Variants in ARMCX4 observed in about 807,000 individuals in gnomAD.
ARMCX4 encodes the protein armadillo repeat-containing X-linked protein 4.
ARMCX4 carries 3 observed loss-of-function variants against 34.7 expected under a neutral mutation model. The observed-to-expected ratio is 0.09, with a 90% CI of 0.04 to 0.22. The LOEUF (loss-of-function observed/expected upper bound fraction) is 0.22. Among genes scored for constraint, ARMCX4 ranks in the 10% least tolerant of loss-of-function variants. ARMCX4 has a pLI of 1.00. For missense variants in ARMCX4, 1,448 were observed against 1,720.8 expected (o/e 0.84, Z 2.81); for synonymous variants, 513 against 632.8 (o/e 0.81, Z 2.84).
chrX:101,432,933 T>G (rs782632151), intron 2 of ARMCX4, among the ~76,000 whole-genome samples: 6 of 89,237 alleles, frequency 6.7e-5, no homozygotes, highest in Admixed American at 5.0e-4. Flanking sequence ...CGTATATATA[T>G]ACGTGTATAT....
At chrX:101,476,470 C>A (rs1433063336) in intron 4 of ARMCX4, among the ~76,000 whole-genome samples, 1 of 110,866 alleles carries the variant, frequency 9.0e-6, no homozygotes, top group Non-Finnish European at 1.9e-5. Context: ...GCCATAGAAG[C>A]TGCAGGGATA....
At chrX:101,438,627 G>C (rs1275908152) in intron 2 of ARMCX4, among the ~76,000 whole-genome samples, 1 of 111,229 alleles carries the variant, frequency 9.0e-6, no homozygotes, top group Non-Finnish European at 1.9e-5. Flanking sequence ...AGGTCTCTGA[G>C]GACTTGCTTT....
intron 4 of ARMCX4, among the ~76,000 whole-genome samples, chrX:101,472,762 G>T: frequency 1.1e-5 from 1 of 90,121 alleles, no homozygotes; most frequent in Non-Finnish European, 2.1e-5. Context: ...AATGCTGAGA[G>T]ATTTTGTCAC....
Position 101,490,231 on chromosome X carries a change from A to G in ARMCX4, c.1642A>G (p.Thr548Ala). The change falls in exon 6 of 6, where the codon ACA becomes GCA. Residue 548 changes from threonine to alanine, a missense_variant. Thr to Ala is a moderately conservative substitution (Grantham distance 58). Around this residue, in one of 2 missense-constraint regions of ARMCX4, gnomAD observed 1,343 missense variants for 1,540.7 expected, o/e 0.87. Transcript: ENST00000423738. ...GCCTGGGATGGACATGAAAACCTGT[A>G]CACAACCTCAGGCTGGGGTCAAGAC... ...TGPGMDMKTC[T>A]QPQAGVKTPA... 2.6e-6 allele frequency: 3 copies of G among 1,155,048 alleles called. No individual in the cohort carries two copies. Among genetic ancestry groups the G allele is most frequent in the South Asian group, 3.8e-5 (2 of 52,681 alleles).
chrX:101,506,127 GCCA>G (rs782439610), intron 8 of ARMCX4, among the ~76,000 whole-genome samples: 2 of 112,109 alleles, frequency 1.8e-5, no homozygotes, highest in Non-Finnish European at 3.8e-5. Context: ...ACAGGTGAGA[GCCA>G]CCACGCCCCG....
exon 12 of ARMCX4, chrX:101,532,011 T>TG (rs1935138857): frequency 8.9e-6 from 1 of 112,379 alleles, no homozygotes; most frequent in Non-Finnish European, 1.9e-5. Flanking sequence ...ACTCATTTAA[T>TG]GGTAAGTGAA....
intron 10 of ARMCX4, among the ~76,000 whole-genome samples, chrX:101,510,334 T>C (rs2147700451): frequency 8.9e-6 from 1 of 111,889 alleles, no homozygotes; most frequent in South Asian, 3.7e-4. Context: ...TAATCTCCCT[T>C]TGTGTGAATG....
At chrX:101,466,622 A>T (rs964063291) in intron 4 of ARMCX4, among the ~76,000 whole-genome samples, 1 of 112,445 alleles carries the variant, frequency 8.9e-6, no homozygotes, top group Non-Finnish European at 1.9e-5. Flanking sequence ...TCTCAGACAT[A>T]AAAAGTCTTG....
At chrX:101,525,451 A>G (rs1394681794) in intron 11 of ARMCX4, among the ~76,000 whole-genome samples, 1 of 112,052 alleles carries the variant, frequency 8.9e-6, no homozygotes, top group African/African-American at 3.2e-5. Context: ...AATGGAATGA[A>G]GCGGGATGGA....
chrX:101,489,567 C>T lies in ARMCX4; in HGVS notation c.978C>T (p.Ala326=), dbSNP rs782618690. The T allele has an allele frequency of 8.7e-7, 1 of 1,153,030 alleles. No homozygotes were observed. The highest frequency in any genetic ancestry group is 1.8e-5 in the African/African-American group (1 of 55,557). ...CTTCTGCTCAGCCTCAAATTTTTGCCAAAACCCAGACTGAGGCCATTCCTG... is the reference window on the plus strand; with the variant it reads ...CTTCTGCTCAGCCTCAAATTTTTGCTAAAACCCAGACTGAGGCCATTCCTG... ...TRASAQPQIF[A]KTQTEAIPGA... The change falls in exon 6 of 6, where the codon GCC becomes GCT. Residue 326 remains alanine (A), a synonymous_variant. Coordinates refer to ENST00000423738, the MANE Select transcript of ARMCX4 (RefSeq NM_001256155.3).
At chrX:101,449,053 G>A (rs558120012), downstream of ARMCX4, among the ~76,000 whole-genome samples, 6 of 108,985 alleles carry the variant, frequency 5.5e-5, no homozygotes, top group East Asian at 2.9e-4. Flanking sequence ...GATTACAGGT[G>A]TTCACCATCA....
At chrX:101,442,241 C>T (rs372789229) in intron 2 of ARMCX4, among the ~76,000 whole-genome samples, 11 of 112,249 alleles carry the variant, frequency 9.8e-5, no homozygotes, top group East Asian at 5.6e-4. Flanking sequence ...AGATAGGCCT[C>T]GAGAGCTATT....
chrX:101,462,687 AC>A (rs1222877872), intron 4 of ARMCX4, among the ~76,000 whole-genome samples: 2 of 109,124 alleles, frequency 1.8e-5, no homozygotes, highest in African/African-American at 6.7e-5. Flanking sequence ...AAAATATATA[AC>A]CCCCCCAAAA....
At position 101,492,509 on chromosome X, in the gene ARMCX4, C is replaced by T; in HGVS notation, c.3920C>T (p.Thr1307Ile). 1 of 1,149,279 alleles carries T rather than the reference C, an allele frequency of 8.7e-7. No individual in the cohort carries two copies. The highest frequency in any genetic ancestry group is 1.1e-6 in the Non-Finnish European group (1 of 869,946). 94.7% of individuals were successfully genotyped at this position (1,149,279 alleles called of 1,213,427 possible). A position where few individuals can be genotyped will look rare whatever the true frequency, so the allele number is the denominator to read the frequency against. ...DQAGGGSWAG[T>I]SDQSGGGSKP... ...GCCGGTGGAGGGTCCTGGGCTGGGA[C>T]TAGTGATCAATCTGGTGGTGGGTCC... Residue 1307 changes from threonine (T) to isoleucine (I), a missense_variant, in exon 6 of 6, where the codon ACT (threonine) becomes ATT (isoleucine). This residue lies in a region of ARMCX4 where 1,343 missense variants were observed against 1,540.7 expected (regional missense o/e 0.87). Transcript: ENST00000423738.
At chrX:101,496,054 T>C (rs1209609041), downstream of ARMCX4, among the ~76,000 whole-genome samples, 2 of 109,909 alleles carry the variant, frequency 1.8e-5, no homozygotes, top group African/African-American at 6.6e-5. Flanking sequence ...GAAGGAGTGA[T>C]GGGAAAAAAG....
intron 4 of ARMCX4, among the ~76,000 whole-genome samples, chrX:101,469,818 T>G (rs2147622208): frequency 9.0e-6 from 1 of 111,284 alleles, no homozygotes; most frequent in South Asian, 3.9e-4. Context: ...CTGAAGCAGG[T>G]TTCCATAAGA....
intron 2 of ARMCX4, among the ~76,000 whole-genome samples, chrX:101,425,159 G>C (rs1929525337): frequency 9.0e-6 from 1 of 111,664 alleles, no homozygotes; most frequent in South Asian, 3.7e-4. Context: ...AGAAAGTTAG[G>C]AGGGACTTGT....
chrX:101,489,393 C>T lies in ARMCX4; in HGVS notation c.804C>T (p.Ser268=). 8.7e-7 allele frequency: 1 copy of T among 1,155,169 alleles called. No homozygotes were observed. The highest frequency in any genetic ancestry group is 1.1e-6 in the Non-Finnish European group (1 of 872,686). The change falls in exon 6 of 6, where the codon TCC becomes TCT. Residue 268 remains serine, a synonymous_variant. Transcript: ENST00000423738. ...VDARGNPNGM[S]REVAGVDMKS... ...CTAGGGGAAATCCCAATGGCATGTC[C>T]AGGGAGGTGGCTGGAGTGGACATGA...
intron 11 of ARMCX4, among the ~76,000 whole-genome samples, chrX:101,519,845 T>G (rs1234649082): frequency 4.5e-5 from 5 of 111,498 alleles, no homozygotes; most frequent in African/African-American, 1.6e-4. Context: ...ATCTTTTTTT[T>G]TTGATAATAG....
Sources: allele counts gnomAD v4.1 joint callset (sites outside exome capture counted in the v4.1 genomes callset), GRCh38; gene constraint gnomAD v4.1.1; regional missense constraint gnomAD v4.1.1; transcripts MANE v1.5; gene names NCBI Gene and HGNC (gene_info 2026-07-23, HGNC 2026-07-21).